The following MAF variants were observed in gnomAD, a reference collection of about 807,000 sequenced individuals.
The protein encoded by MAF is transcription factor Maf.
In MAF, 10 loss-of-function variants were observed where a neutral mutation model predicts 22.0. The observed-to-expected ratio is 0.45, with a 90% confidence interval of 0.28 to 0.77. MAF has a LOEUF of 0.77. Ranked by LOEUF, MAF falls within the 30% of genes least tolerant of loss-of-function variation. MAF has a pLI of 0.12. For missense variants in MAF, 544 were observed against 548.4 expected, an observed-to-expected ratio of 0.99 and a Z score of 0.08; for synonymous variants, 337 against 255.8, an observed-to-expected ratio of 1.32 and a Z score of -3.03.
the MAF span, among the ~76,000 whole-genome samples, chr16:79,538,871 AAAAGAAAGAAAG>A: frequency 2.4e-3 from 248 of 104,338 alleles, 1 homozygote; most frequent in Middle Eastern, 0.013. Flanking sequence ...AAAAGAAAAG[AAAAGAAAGAAAG>A]AAAGAAAGAA....
At chr16:79,558,396 T>C in the MAF span, among the ~76,000 whole-genome samples, 1 of 152,232 alleles carries the variant, frequency 6.6e-6, no homozygotes, top group African/African-American at 2.4e-5. Flanking sequence ...TAAAGTCGCA[T>C]ATCCTTTGCT....
the MAF span, among the ~76,000 whole-genome samples, chr16:79,275,894 C>G: frequency 6.6e-6 from 1 of 152,300 alleles, no homozygotes; most frequent in Admixed American, 6.5e-5. Context: ...GTAATCCCAG[C>G]ACTTTGGGAG....
chr16:79,460,580 C>A, the MAF span, among the ~76,000 whole-genome samples: 1 of 151,984 alleles, frequency 6.6e-6, no homozygotes, highest in Non-Finnish European at 1.5e-5. Flanking sequence ...TAAAAAAATC[C>A]ATTTGCTCTT....
the MAF span, among the ~76,000 whole-genome samples, chr16:79,564,336 G>A: frequency 4.6e-5 from 7 of 152,142 alleles, no homozygotes; most frequent in South Asian, 2.1e-4. Context: ...TTCTAGTTGC[G>A]GGGGAGAAGG....
downstream of MAF, among the ~76,000 whole-genome samples, chr16:79,584,951 G>C (rs1478274537): frequency 6.6e-6 from 1 of 152,060 alleles, no homozygotes; most frequent in Admixed American, 6.6e-5. Flanking sequence ...GATCCTTAAC[G>C]TACCTCCTTT....
At chr16:79,457,513 C>A in the MAF span, among the ~76,000 whole-genome samples, 1 of 151,258 alleles carries the variant, frequency 6.6e-6, no homozygotes, top group Non-Finnish European at 1.5e-5. Context: ...TTTCATTCAA[C>A]CATGTCAGCA....
the MAF span, among the ~76,000 whole-genome samples, chr16:79,389,399 C>T: frequency 6.6e-6 from 1 of 152,112 alleles, no homozygotes; most frequent in African/African-American, 2.4e-5. Context: ...GCTGGGATTA[C>T]AGGCACCTGC....
the MAF span, among the ~76,000 whole-genome samples, chr16:79,461,180 GA>G: frequency 1.3e-5 from 2 of 152,272 alleles, no homozygotes. Flanking sequence ...ATCACTTTTT[GA>G]ATGCAGATGG....
At chr16:79,206,876 A>G in the MAF span, 2 of 152,194 alleles carry the variant, frequency 1.3e-5, no homozygotes, top group African/African-American at 4.8e-5. Flanking sequence ...TTTGTGGCAA[A>G]TGTGTCCCCT....
the MAF span, among the ~76,000 whole-genome samples, chr16:79,329,920 G>A: frequency 3.4e-4 from 52 of 151,256 alleles, no homozygotes; most frequent in African/African-American, 1.2e-3. Context: ...ACAGCATAAA[G>A]AACAGACACA....
At chr16:79,262,117 C>T in the MAF span, among the ~76,000 whole-genome samples, 1 of 152,114 alleles carries the variant, frequency 6.6e-6, no homozygotes, top group South Asian at 2.1e-4. Context: ...CTTCCGTGTA[C>T]CACTCACCAC....
At chr16:79,392,299 G>T in the MAF span, among the ~76,000 whole-genome samples, 8 of 147,056 alleles carry the variant, frequency 5.4e-5, no homozygotes, top group Admixed American at 2.7e-4. Context: ...GAGAGAGAGA[G>T]TGAAGGAAGG....
At chr16:79,235,324 G>T in the MAF span, among the ~76,000 whole-genome samples, 1 of 151,926 alleles carries the variant, frequency 6.6e-6, no homozygotes, top group Non-Finnish European at 1.5e-5. Flanking sequence ...TTGCAGAGGA[G>T]GGAAGATCAC....
At chr16:79,403,440 T>G in the MAF span, among the ~76,000 whole-genome samples, 1 of 152,142 alleles carries the variant, frequency 6.6e-6, no homozygotes, top group Non-Finnish European at 1.5e-5. Context: ...AGCATCAGGA[T>G]TGCTCCAGTA....
chr16:79,535,450 G>C, the MAF span, among the ~76,000 whole-genome samples: 2 of 151,126 alleles, frequency 1.3e-5, no homozygotes, highest in African/African-American at 4.9e-5. Flanking sequence ...GTGCTGAGTG[G>C]TCAAGAGGTG....
At chr16:79,330,916 C>T in the MAF span, among the ~76,000 whole-genome samples, 2 of 152,318 alleles carry the variant, frequency 1.3e-5, no homozygotes, top group African/African-American at 2.4e-5. Context: ...TGCAAAGCCA[C>T]CTTCCTTATT....
the MAF span, chr16:79,206,790 T>C: frequency 6.6e-6 from 1 of 152,218 alleles, no homozygotes; most frequent in Non-Finnish European, 1.5e-5. Context: ...GGTGACTTAC[T>C]GGTGTGGTCA....
the MAF span, among the ~76,000 whole-genome samples, chr16:79,343,764 C>A: frequency 6.6e-6 from 1 of 152,134 alleles, no homozygotes; most frequent in Admixed American, 6.5e-5. Flanking sequence ...AACAGGATGG[C>A]AGATTTTTCT....
the MAF span, among the ~76,000 whole-genome samples, chr16:79,541,418 C>T: frequency 6.6e-6 from 1 of 152,018 alleles, no homozygotes; most frequent in Non-Finnish European, 1.5e-5. Flanking sequence ...GCTGAAGGAG[C>T]CTGCGTCAGT....
Sources: allele counts gnomAD v4.1 joint callset (sites outside exome capture counted in the v4.1 genomes callset), GRCh38; gene constraint gnomAD v4.1.1; transcripts MANE v1.5; gene names NCBI Gene and HGNC (gene_info 2026-07-23, HGNC 2026-07-21).